MAGI1: variants seen among roughly 807,000 people sequenced by gnomAD.
MAGI1 encodes the protein membrane associated guanylate kinase, WW and PDZ domain containing 1.
In MAGI1, 58 loss-of-function variants were observed where a neutral mutation model predicts 139.9. The ratio of observed to expected loss-of-function variants is 0.41; its 90% CI spans 0.34 to 0.52. The LOEUF is 0.52. Among genes scored for constraint, MAGI1 ranks in the 20% least tolerant of loss-of-function variants. The pLI, the probability that MAGI1 is intolerant of heterozygous loss-of-function variation, is 0.12. For missense variants in MAGI1, 1,874 were observed against 1,901.6 expected, an observed-to-expected ratio of 0.99 and a Z score of 0.27; for synonymous variants, 812 against 737.9, an observed-to-expected ratio of 1.10 and a Z score of -1.63.
chr3:65,612,004 GT>G (rs777177332), intron 2 of MAGI1, among the ~76,000 whole-genome samples: 63 of 151,962 alleles, frequency 4.1e-4, no homozygotes, highest in Non-Finnish European at 7.7e-4. Flanking sequence ...CTAGATTCTT[GT>G]TTTAATATGT....
At chr3:65,763,204 AAC>A (rs758488482) in intron 1 of MAGI1, among the ~76,000 whole-genome samples, 2 of 152,192 alleles carry the variant, frequency 1.3e-5, no homozygotes, top group Non-Finnish European at 2.9e-5. Context: ...GTTCTGTATA[AAC>A]AGACCTTGTT....
At chr3:65,723,432 C>T (rs1478861786) in intron 1 of MAGI1, among the ~76,000 whole-genome samples, 1 of 152,106 alleles carries the variant, frequency 6.6e-6, no homozygotes, top group East Asian at 1.9e-4. Context: ...CTGACAATCT[C>T]TAGGGGCAGA....
intron 1 of MAGI1, among the ~76,000 whole-genome samples, chr3:65,895,140 C>T (rs2060919807): frequency 6.6e-6 from 1 of 152,164 alleles, no homozygotes; most frequent in African/African-American, 2.4e-5. Flanking sequence ...ATAATAAATC[C>T]ATCAGTCCTT....
intron 2 of MAGI1, among the ~76,000 whole-genome samples, chr3:65,501,184 A>T (rs1490561528): frequency 6.6e-6 from 1 of 152,020 alleles, no homozygotes; most frequent in Non-Finnish European, 1.5e-5. Flanking sequence ...AACTGCTTTT[A>T]AAAAAAATTA....
At chr3:65,822,413 A>T (rs1482454056) in intron 1 of MAGI1, among the ~76,000 whole-genome samples, 1 of 152,154 alleles carries the variant, frequency 6.6e-6, no homozygotes, top group East Asian at 1.9e-4. Context: ...CTGTAATCCC[A>T]GCTACTCCGG....
At chr3:65,589,811 CT>C (rs1192900980) in intron 2 of MAGI1, among the ~76,000 whole-genome samples, 7 of 150,128 alleles carry the variant, frequency 4.7e-5, no homozygotes, top group Non-Finnish European at 7.4e-5. Flanking sequence ...ATGACCCTTG[CT>C]TTAGATGGTT....
intron 1 of MAGI1, among the ~76,000 whole-genome samples, chr3:65,995,057 T>C (rs1266078267): frequency 6.6e-6 from 1 of 152,096 alleles, no homozygotes; most frequent in Non-Finnish European, 1.5e-5. Flanking sequence ...AGCTCCTCCA[T>C]CCACATATAA....
intron 2 of MAGI1, among the ~76,000 whole-genome samples, chr3:65,619,600 T>C (rs905750551): frequency 6.6e-6 from 1 of 152,134 alleles, no homozygotes; most frequent in Non-Finnish European, 1.5e-5. Flanking sequence ...ATCAAGAGAA[T>C]GCATTCCCCA....
intron 1 of MAGI1, among the ~76,000 whole-genome samples, chr3:65,983,911 T>A (rs1256329656): frequency 6.6e-6 from 1 of 152,210 alleles, no homozygotes; most frequent in Non-Finnish European, 1.5e-5. Context: ...AGTTAATGCA[T>A]CTAAAGTACT....
At chr3:65,742,067 T>C (rs917265147) in intron 1 of MAGI1, among the ~76,000 whole-genome samples, 8 of 152,182 alleles carry the variant, frequency 5.3e-5, no homozygotes, top group African/African-American at 1.9e-4. Flanking sequence ...TTCACTCGCA[T>C]GGGGATATGA....
chr3:65,755,943 T>A (rs1197904616), intron 1 of MAGI1, among the ~76,000 whole-genome samples: 1 of 152,226 alleles, frequency 6.6e-6, no homozygotes, highest in Non-Finnish European at 1.5e-5. Flanking sequence ...TCTGATCACT[T>A]ACATTTCAAA....
intron 1 of MAGI1, among the ~76,000 whole-genome samples, chr3:65,830,568 G>C (rs1296042414): frequency 1.3e-5 from 2 of 152,110 alleles, no homozygotes; most frequent in African/African-American, 2.4e-5. Flanking sequence ...GATTTCCATA[G>C]CCAGATTCTG....
chr3:65,518,717 T>C (rs1251574036), intron 2 of MAGI1, among the ~76,000 whole-genome samples: 1 of 152,112 alleles, frequency 6.6e-6, no homozygotes, highest in Non-Finnish European at 1.5e-5. Flanking sequence ...TCAGCAAATA[T>C]GTACTAAACA....
At chr3:65,687,437 C>A in intron 1 of MAGI1, 2 of 385,926 alleles carry the variant, frequency 5.2e-6, no homozygotes, top group Admixed American at 3.2e-5. Context: ...CTGGGTCAAG[C>A]CAACACCTGA....
intron 13 of MAGI1, among the ~76,000 whole-genome samples, chr3:65,394,639 A>AT (rs1274899449): frequency 6.6e-6 from 1 of 151,714 alleles, no homozygotes; most frequent in Non-Finnish European, 1.5e-5. Flanking sequence ...GGCACTCTGG[A>AT]TTTTTTAAAA....
At chr3:65,621,140 G>A (rs1478966576) in intron 2 of MAGI1, among the ~76,000 whole-genome samples, 1 of 152,052 alleles carries the variant, frequency 6.6e-6, no homozygotes, top group East Asian at 1.9e-4. Flanking sequence ...GGAAAATAAA[G>A]GACTGGGTGA....
chr3:65,974,020 T>G (rs940518695), intron 1 of MAGI1, among the ~76,000 whole-genome samples: 1 of 152,240 alleles, frequency 6.6e-6, no homozygotes, highest in African/African-American at 2.4e-5. Context: ...TTTAAATGGA[T>G]GTTGATTGTT....
rs182997955 is a variant in MAGI1, at chr3:65,502,280, T to C, written c.431-8649A>G. 3.2e-3 allele frequency among the ~76,000 whole-genome samples: 487 copies of C among 152,376 alleles called. 4 individuals carry two copies. The highest frequency in any genetic ancestry group is 0.011 in the African/African-American group (459 of 41,600). ...AAATAAAGCCATTTTGTTTTATCTG[T>C]AGCCTAAGGCTCTGAGCCCGAGGTC... is the stretch of plus-strand genomic sequence containing the variant. On this transcript the variant is annotated intron_variant, in intron 2 of 22. Coordinates refer to ENST00000402939, the MANE Select transcript of MAGI1 (RefSeq NM_001033057.2).
chr3:65,864,469 A>G (rs2108456209), intron 1 of MAGI1, among the ~76,000 whole-genome samples: 1 of 152,330 alleles, frequency 6.6e-6, no homozygotes, highest in Admixed American at 6.5e-5. Context: ...CAAAAATGGC[A>G]GCTGTGATGG....
Sources: allele counts gnomAD v4.1 joint callset (sites outside exome capture counted in the v4.1 genomes callset), GRCh38; gene constraint gnomAD v4.1.1; transcripts MANE v1.5; gene names NCBI Gene and HGNC (gene_info 2026-07-23, HGNC 2026-07-21).